The following AGAP1 variants were observed in gnomAD, a reference collection of about 807,000 sequenced individuals.
The protein encoded by AGAP1 is ArfGAP with GTPase domain, ankyrin repeat and PH domain 1, also known as arf-GAP with GTPase, ANK repeat and PH domain-containing protein 1.
A neutral mutation model predicts 105.3 loss-of-function variants in AGAP1; 29 were observed. The ratio of observed to expected loss-of-function variants is 0.28; its 90% confidence interval spans 0.21 to 0.38. The LOEUF is 0.38. AGAP1 is among the 10% of genes least tolerant of loss of function. AGAP1 has a pLI of 1.00. For missense variants in AGAP1, 998 were observed against 1,165.1 expected (o/e 0.86, Z 2.09); for synonymous variants, 509 against 485.9 (o/e 1.05, Z -0.63).
rs2049673001 is a variant in AGAP1, at chr2:235,875,441, C to G, written c.1051-7904C>G. Among the ~76,000 whole-genome samples the G allele has an allele frequency of 6.6e-6, 1 of 152,214 alleles. No homozygotes were observed. Among genetic ancestry groups the G allele is most frequent in the South Asian group, 2.1e-4 (1 of 4,828 alleles). ...CTTCCTCACTCGATGATTGTCAGGG[C>G]TGAGAACCCAGCACAGGTCTGTGAT... On this transcript the variant is annotated intron_variant, in intron 9 of 17. Coordinates refer to ENST00000304032, the MANE Select transcript of AGAP1 (RefSeq NM_001037131.3). This position sits in a 1 kb window ranked among gnomAD's most constrained non-coding sequence, Gnocchi z 4.0.
chr2:235,968,373 C>T (rs544692933), intron 12 of AGAP1, 89 bp from the exon 13 acceptor site: 14 of 1,461,238 alleles, frequency 9.6e-6, no homozygotes, highest in Middle Eastern at 2.5e-4. Flanking sequence ...ATGAGAGGAG[C>T]GTGGCTGTGC....
intron 16 of AGAP1, among the ~76,000 whole-genome samples, chr2:236,098,620 C>CTTTTTGTTTTTTTTTTTT (rs1323650327): frequency 6.1e-5 from 7 of 115,256 alleles, no homozygotes; most frequent in African/African-American, 2.7e-4. Flanking sequence ...TCTTTTTTTC[C>CTTTTTGTTTTTTTTTTTT]TTTTTTTTTT....
At chr2:235,991,906 A>T (rs1003530765) in intron 13 of AGAP1, among the ~76,000 whole-genome samples, 1 of 152,222 alleles carries the variant, frequency 6.6e-6, no homozygotes, top group Non-Finnish European at 1.5e-5. Context: ...CGGGGAAAAA[A>T]GTAAAAGATT....
intron 10 of AGAP1, among the ~76,000 whole-genome samples, chr2:235,897,849 T>G (rs1214454679): frequency 6.6e-6 from 1 of 152,210 alleles, no homozygotes; most frequent in Non-Finnish European, 1.5e-5. Context: ...GATTGCGGGC[T>G]TGTTGCTGAG....
intron 1 of AGAP1, among the ~76,000 whole-genome samples, chr2:235,653,226 G>A (rs1370350670): frequency 1.3e-5 from 2 of 152,114 alleles, no homozygotes; most frequent in African/African-American, 4.8e-5. Context: ...AGCACTTTGG[G>A]AGGCCAAGGC....
rs563870891 is a variant in AGAP1, at chr2:235,566,850, G to A, written c.163+72001G>A. On this transcript the variant is annotated intron_variant, in intron 1 of 17. Coordinates refer to ENST00000304032, the MANE Select transcript of AGAP1 (RefSeq NM_001037131.3). The surrounding 1 kb of genome is among the most constrained non-coding windows in gnomAD (Gnocchi z 5.2). ...CAGAACATCATTCTTTTACAGTTCT[G>A]GAGGCCTGAAGCCCAGGATCAAGGT... Among the ~76,000 whole-genome samples the A allele has an allele frequency of 6.6e-6, 1 of 152,308 alleles. No individual in the cohort carries two copies. Among genetic ancestry groups the A allele is most frequent in the Admixed American group, 6.5e-5 (1 of 15,306 alleles).
intron 1 of AGAP1, among the ~76,000 whole-genome samples, chr2:235,627,094 C>T (rs912292416): frequency 2.6e-5 from 4 of 151,592 alleles, no homozygotes; most frequent in Admixed American, 2.6e-4. Flanking sequence ...TTTAATTTTA[C>T]ACTGCAGAAT....
At chr2:236,004,989 C>T (rs2056268937) in intron 13 of AGAP1, among the ~76,000 whole-genome samples, 1 of 152,126 alleles carries the variant, frequency 6.6e-6, no homozygotes, top group African/African-American at 2.4e-5. Flanking sequence ...TATTCCTGTT[C>T]AAGATGCTTA....
In AGAP1 at chr2:235,555,096, G is replaced by A. The variant is rs1315945108; in HGVS notation, c.163+60247G>A. On this transcript the variant is annotated intron_variant, in intron 1 of 17. Transcript: ENST00000304032. This position sits in a 1 kb window ranked among gnomAD's most constrained non-coding sequence, Gnocchi z 5.1. ...GGGGTGGGGCTGGGATGAGGAGAGC[G>A]CGGCCGCCAGGGTCAGCCTGGATGC... 2.0e-5 allele frequency among the ~76,000 whole-genome samples: 3 copies of A among 152,152 alleles called. No homozygotes were observed. Among genetic ancestry groups the A allele is most frequent in the South Asian group, 2.1e-4 (1 of 4,824 alleles).
chr2:236,001,265 A>G lies in AGAP1; in HGVS notation c.1645+32642A>G, dbSNP rs771944207. On this transcript the variant is annotated intron_variant, in intron 13 of 17. Transcript: ENST00000304032. This position sits in a 1 kb window ranked among gnomAD's most constrained non-coding sequence, Gnocchi z 4.7. Reference sequence around the variant, plus strand: ...GGGAGCCTTCATGGGGAGCCCTGGCATGGCCTTCAGGCCTCCGAGGAACCC... The same window carrying G: ...GGGAGCCTTCATGGGGAGCCCTGGCGTGGCCTTCAGGCCTCCGAGGAACCC... Among the ~76,000 whole-genome samples, 14 of 152,226 alleles carry G rather than the reference A, an allele frequency of 9.2e-5. No homozygotes were observed. The highest frequency in any genetic ancestry group is 1.5e-4 in the Non-Finnish European group (10 of 68,032).
At chr2:235,779,807 G>A (rs1162375450) in intron 6 of AGAP1, among the ~76,000 whole-genome samples, 1 of 152,208 alleles carries the variant, frequency 6.6e-6, no homozygotes, top group East Asian at 1.9e-4. Flanking sequence ...TAGGAAACTG[G>A]AAGCTCATGG....
rs1268626558 is a variant in AGAP1, at chr2:235,900,887, A to G, written c.1156-7851A>G. ...TTCAGGAACGCAGTTCTGAAAGTGA[A>G]ACACTGGAATGCTTTTGGCTGTCTT... On this transcript the variant is annotated intron_variant, in intron 10 of 17. Transcript: ENST00000304032. The surrounding 1 kb of genome is among the most constrained non-coding windows in gnomAD (Gnocchi z 5.5). Among the ~76,000 whole-genome samples, 1 of 152,212 alleles carries G rather than the reference A, an allele frequency of 6.6e-6. No homozygotes were observed. The highest frequency in any genetic ancestry group is 1.5e-5 in the Non-Finnish European group (1 of 68,030).
intron 1 of AGAP1, among the ~76,000 whole-genome samples, chr2:235,629,714 TAAA>T (rs71064865): frequency 7.1e-6 from 1 of 140,776 alleles, no homozygotes; most frequent in Non-Finnish European, 1.5e-5. Context: ...ACAATAAATG[TAAA>T]AAAAAAAAAA....
In AGAP1 at chr2:235,623,038, G is replaced by T. The variant is rs1027367850; in HGVS notation, c.164-86141G>T. On this transcript the variant is annotated intron_variant, in intron 1 of 17. Coordinates refer to ENST00000304032, the MANE Select transcript of AGAP1 (RefSeq NM_001037131.3). This position sits in a 1 kb window ranked among gnomAD's most constrained non-coding sequence, Gnocchi z 4.5. Reference sequence around the variant, plus strand: ...TTCTGGATTGAGAAAAGTGGAAGAGGTTAGAAGCTAACTTGGACATTCTTT... The same window carrying T: ...TTCTGGATTGAGAAAAGTGGAAGAGTTTAGAAGCTAACTTGGACATTCTTT... 6.6e-6 allele frequency among the ~76,000 whole-genome samples: 1 copy of T among 152,140 alleles called. No individual in the cohort carries two copies. Among genetic ancestry groups the T allele is most frequent in the Non-Finnish European group, 1.5e-5 (1 of 68,036 alleles).
chr2:236,099,916 T>C (rs1405529990), intron 16 of AGAP1, among the ~76,000 whole-genome samples: 1 of 152,094 alleles, frequency 6.6e-6, no homozygotes, highest in Non-Finnish European at 1.5e-5. Context: ...GGCATGTGCC[T>C]GTAATCCCAG....
Position 236,080,435 on chromosome 2 carries a change from G to C in AGAP1, c.2114+31154G>C, listed in dbSNP as rs774608046. 3.3e-5 allele frequency among the ~76,000 whole-genome samples: 5 copies of C among 152,176 alleles called. No homozygotes were observed. Among genetic ancestry groups the C allele is most frequent in the Non-Finnish European group, 1.5e-5 (1 of 68,036 alleles). ...AACCAGACAAGTTTAGAGGCCTGTG[G>C]AATTCCCAGGCCAAGGGAAGAGTTG... On this transcript the variant is annotated intron_variant, in intron 16 of 17. Coordinates refer to ENST00000304032, the MANE Select transcript of AGAP1 (RefSeq NM_001037131.3). This position sits in a 1 kb window ranked among gnomAD's most constrained non-coding sequence, Gnocchi z 4.2.
In AGAP1 at chr2:235,553,431, A is replaced by T. The variant is rs753784174; in HGVS notation, c.163+58582A>T. Among the ~76,000 whole-genome samples, 13 of 152,286 alleles carry T rather than the reference A, an allele frequency of 8.5e-5. No homozygotes were observed. The highest frequency in any genetic ancestry group is 3.4e-3 in the Middle Eastern group (1 of 294). Reference sequence around the variant, plus strand: ...TCCTTTAATCCCACAGCTAGTTTTAAAAACTACATGATTGTGTTGCTAGGA... The same window carrying T: ...TCCTTTAATCCCACAGCTAGTTTTATAAACTACATGATTGTGTTGCTAGGA... On this transcript the variant is annotated intron_variant, in intron 1 of 17. Transcript: ENST00000304032. The surrounding 1 kb of genome is among the most constrained non-coding windows in gnomAD (Gnocchi z 4.5).
At chr2:235,776,906 C>T (rs1030046917) in intron 6 of AGAP1, 16 of 470,656 alleles carry the variant, frequency 3.4e-5, no homozygotes, top group African/African-American at 3.2e-4. Context: ...TCTGGCTTTT[C>T]CGCCAAACTG....
Position 236,009,739 on chromosome 2 carries a change from C to T in AGAP1, c.1646-26822C>T, listed in dbSNP as rs2056446189. Among the ~76,000 whole-genome samples, 1 of 152,160 alleles carries T rather than the reference C, an allele frequency of 6.6e-6. No homozygotes were observed. The highest frequency in any genetic ancestry group is 1.5e-5 in the Non-Finnish European group (1 of 68,030). On this transcript the variant is annotated intron_variant, in intron 13 of 17. Transcript: ENST00000304032. The surrounding 1 kb of genome is among the most constrained non-coding windows in gnomAD (Gnocchi z 4.2). The stretch of plus-strand genomic sequence containing the variant: ...AATTGATTCTGAGGGCTGCAGCGTG[C>T]CTCATTTAGCCGTCCCTGCTCGGTT...
Sources: allele counts gnomAD v4.1 joint callset (sites outside exome capture counted in the v4.1 genomes callset), GRCh38; gene constraint gnomAD v4.1.1; non-coding constraint Gnocchi (gnomAD v3.1); transcripts MANE v1.5; gene names NCBI Gene and HGNC (gene_info 2026-07-23, HGNC 2026-07-21).